Variants in CSMD1 observed in about 807,000 individuals in gnomAD.
CSMD1 encodes CUB and sushi domain-containing protein 1.
Under a neutral mutation model 417.5 loss-of-function variants are expected in CSMD1, and 213 were observed. That is an observed-to-expected ratio of 0.51 (90% CI 0.46 to 0.57). CSMD1 has a LOEUF of 0.57. Ranked by LOEUF, CSMD1 falls within the 20% of genes least tolerant of loss-of-function variation. CSMD1 has a pLI of 0.00. For missense variants in CSMD1, 6,923 were observed against 4,529.7 expected (o/e 1.53, Z -15.17); for synonymous variants, 2,862 against 1,736.8 (o/e 1.65, Z -16.11).
chr8:3,649,073 T>C (rs916112513), intron 7 of CSMD1, among the ~76,000 whole-genome samples: 1 of 152,192 alleles, frequency 6.6e-6, no homozygotes, highest in Non-Finnish European at 1.5e-5. Flanking sequence ...CAGGGTTTTT[T>C]CTGGTCTTTC....
intron 4 of CSMD1, among the ~76,000 whole-genome samples, chr8:4,020,098 A>C (rs1179729814): frequency 6.6e-6 from 1 of 152,122 alleles, no homozygotes; most frequent in Non-Finnish European, 1.5e-5. Context: ...TGATATTTTT[A>C]GAGTTTCTCT....
chr8:4,388,989 C>A (rs1047879175), intron 3 of CSMD1, among the ~76,000 whole-genome samples: 1 of 152,136 alleles, frequency 6.6e-6, no homozygotes. Flanking sequence ...ATAACATGTT[C>A]TTTGTAATTG....
intron 10 of CSMD1, among the ~76,000 whole-genome samples, chr8:3,523,911 ACG>A (rs1288869044): frequency 6.6e-5 from 10 of 150,890 alleles, no homozygotes; most frequent in South Asian, 4.2e-4. Context: ...ACACATGTAC[ACG>A]CACACACACA....
At chr8:3,308,732 G>GTTTTTTTTTTTTTTTTTTTTTTTTTTTTT (rs5888961) in intron 23 of CSMD1, among the ~76,000 whole-genome samples, 1 of 108,930 alleles carries the variant, frequency 9.2e-6, no homozygotes, top group Non-Finnish European at 1.7e-5. Context: ...CTACTTACAA[G>GTTTTTTTTTTTTTTTTTTTTTTTTTTTTT]TTTTTTTTTT....
At chr8:4,195,140 T>C (rs1211601402) in intron 3 of CSMD1, among the ~76,000 whole-genome samples, 1 of 152,176 alleles carries the variant, frequency 6.6e-6, no homozygotes, top group African/African-American at 2.4e-5. Flanking sequence ...AAATTCTACT[T>C]TGATGACAGT....
intron 3 of CSMD1, among the ~76,000 whole-genome samples, chr8:4,262,404 G>T (rs1803951045): frequency 6.6e-6 from 1 of 152,332 alleles, no homozygotes; most frequent in East Asian, 1.9e-4. Flanking sequence ...AATAAAGGCA[G>T]GTTTGTGGTT....
In CSMD1 at chr8:3,017,805, TTAA is replaced by T. The variant is rs1157401535; in HGVS notation, c.8029+669_8029+671del. The stretch of plus-strand genomic sequence containing the variant: ...CCCAGTTTCTATGGCTTTGAGTGAT[TTAA>T]AAAAAAAAAAAAAAAAAAAAAAAAA... On this transcript the variant is annotated intron_variant, in intron 52 of 69. Coordinates refer to ENST00000635120, the MANE Select transcript of CSMD1 (RefSeq NM_033225.6). Among the ~76,000 whole-genome samples, 81 of 121,666 alleles carry T rather than the reference TTAA, an allele frequency of 6.7e-4. 3 individuals are homozygous for T. The highest frequency in any genetic ancestry group is 3.4e-3 in the East Asian group (15 of 4,444). 79.8% of individuals were successfully genotyped at this position (121,666 alleles called of 152,430 possible). A position where few individuals can be genotyped will look rare whatever the true frequency, so the allele number is the denominator to read the frequency against.
rs188660567 is a variant in CSMD1, at chr8:4,319,323, G to C, written c.415+100630C>G. On this transcript the variant is annotated intron_variant, in intron 3 of 69. Coordinates refer to ENST00000635120, the MANE Select transcript of CSMD1 (RefSeq NM_033225.6). Reference sequence around the variant, plus strand: ...CAGTTTCTTCTAAATGAATTAAAAAGTCTTAGCATATTATGATTTTCCTCC... The same window carrying C: ...CAGTTTCTTCTAAATGAATTAAAAACTCTTAGCATATTATGATTTTCCTCC... Among the ~76,000 whole-genome samples the C allele has an allele frequency of 2.8e-3, 419 of 152,132 alleles. 1 individual carries two copies. Among genetic ancestry groups the C allele is most frequent in the Non-Finnish European group, 3.5e-3 (238 of 68,004 alleles).
chr8:3,138,946 G>T (rs1818275278), intron 41 of CSMD1, among the ~76,000 whole-genome samples: 1 of 152,308 alleles, frequency 6.6e-6, no homozygotes, highest in African/African-American at 2.4e-5. Context: ...AATCTGGAAA[G>T]ACATTTAGGA....
At chr8:3,888,912 C>A (rs2627346) in intron 5 of CSMD1, among the ~76,000 whole-genome samples, 1 of 152,138 alleles carries the variant, frequency 6.6e-6, no homozygotes, top group East Asian at 1.9e-4. Flanking sequence ...TAATTAAAAG[C>A]ATATCTTTAT....
chr8:3,781,187 A>G (rs527579504), intron 5 of CSMD1, among the ~76,000 whole-genome samples: 1 of 152,342 alleles, frequency 6.6e-6, no homozygotes, highest in South Asian at 2.1e-4. Flanking sequence ...TTTAACTCAC[A>G]GTACAAAGTG....
chr8:4,099,576 C>T (rs1192927924), intron 3 of CSMD1, among the ~76,000 whole-genome samples: 2 of 151,850 alleles, frequency 1.3e-5, no homozygotes, highest in African/African-American at 4.8e-5. Flanking sequence ...TGGCATATAT[C>T]AATCAATCAA....
chr8:3,756,972 T>G (rs372514923), intron 5 of CSMD1, among the ~76,000 whole-genome samples: 1 of 152,148 alleles, frequency 6.6e-6, no homozygotes, highest in Non-Finnish European at 1.5e-5. Flanking sequence ...TTGTAATCTT[T>G]TAATTTTTTG....
chr8:3,797,179 C>T (rs1563090531), intron 5 of CSMD1, among the ~76,000 whole-genome samples: 1 of 151,876 alleles, frequency 6.6e-6, no homozygotes, highest in South Asian at 2.1e-4. Flanking sequence ...GTCTATTCAA[C>T]TTGAAATGTC....
At chr8:4,825,880 T>C (rs561826793) in intron 1 of CSMD1, among the ~76,000 whole-genome samples, 13 of 150,872 alleles carry the variant, frequency 8.6e-5, no homozygotes, top group African/African-American at 3.2e-4. Flanking sequence ...AATAAGCACA[T>C]GAAAAGGTGC....
At chr8:4,195,823 T>C (rs1052069877) in intron 3 of CSMD1, among the ~76,000 whole-genome samples, 103 of 152,160 alleles carry the variant, frequency 6.8e-4, no homozygotes, top group African/African-American at 2.3e-3. Context: ...CTCAAGCCTG[T>C]AGATGAGGAG....
At chr8:4,022,131 T>TATAC (rs1554518703) in intron 4 of CSMD1, among the ~76,000 whole-genome samples, 14 of 145,786 alleles carry the variant, frequency 9.6e-5, no homozygotes, top group Admixed American at 4.1e-4. Flanking sequence ...TATATATATA[T>TATAC]ACATAAATAT....
At chr8:3,082,387 C>T (rs192634854) in intron 49 of CSMD1, among the ~76,000 whole-genome samples, 84 of 152,330 alleles carry the variant, frequency 5.5e-4, no homozygotes, top group African/African-American at 1.9e-3. Context: ...TTCTCCAACC[C>T]ATCGTCCTCC....
At chr8:3,385,168 TATAA>T (rs1224551888) in intron 18 of CSMD1, among the ~76,000 whole-genome samples, 13 of 137,032 alleles carry the variant, frequency 9.5e-5, no homozygotes, top group Middle Eastern at 3.7e-3. Context: ...ATACATAATA[TATAA>T]ATATATAGAA....
Sources: allele counts gnomAD v4.1 joint callset (sites outside exome capture counted in the v4.1 genomes callset), GRCh38; gene constraint gnomAD v4.1.1; transcripts MANE v1.5; gene names NCBI Gene and HGNC (gene_info 2026-07-23, HGNC 2026-07-21).